The following MCC variants were observed in gnomAD, a reference collection of about 807,000 sequenced individuals.
MCC encodes colorectal mutant cancer protein.
MCC carries 90 observed loss-of-function variants against 116.2 expected under a neutral mutation model. That is an observed-to-expected ratio of 0.77 (90% CI 0.65 to 0.92). The LOEUF (loss-of-function observed/expected upper bound fraction) is 0.92, where lower values mean the gene tolerates loss of function less well. MCC is among the 40% of genes least tolerant of loss of function. The probability of loss-of-function intolerance (pLI) is 0.00; values close to 1 mark genes in which losing one functional copy is unlikely to be tolerated. For synonymous variants in MCC, 578 were observed against 510.5 expected (o/e 1.13, Z -1.78); for missense variants, 1,516 against 1,312.2 (o/e 1.16, Z -2.40).
chr5:113,487,968 C>G (rs574900635), intron 1 of MCC, among the ~76,000 whole-genome samples: 3 of 152,294 alleles, frequency 2.0e-5, no homozygotes, highest in Admixed American at 2.0e-4. Flanking sequence ...CTCCAAGCCC[C>G]CGGAAGAGTG....
intron 15 of MCC, 53 bp from the exon 16 acceptor site, chr5:113,049,352 C>T: frequency 1.4e-6 from 2 of 1,454,060 alleles, no homozygotes; most frequent in Non-Finnish European, 9.2e-7. Flanking sequence ...TGAGAGCAGG[C>T]CTGGCTGCTG....
intron 2 of MCC, among the ~76,000 whole-genome samples, chr5:113,374,755 C>T (rs1561542834): frequency 6.6e-6 from 1 of 151,780 alleles, no homozygotes; most frequent in Non-Finnish European, 1.5e-5. Context: ...CTTTGGGAGG[C>T]TGAGGCAGGT....
chr5:113,471,235 G>A (rs1772081351), intron 1 of MCC, among the ~76,000 whole-genome samples: 1 of 152,188 alleles, frequency 6.6e-6, no homozygotes. Flanking sequence ...TGTTCCTTTG[G>A]AGGAGGAGAG....
chr5:113,116,186 T>C (rs954855727), intron 6 of MCC, among the ~76,000 whole-genome samples: 2 of 152,210 alleles, frequency 1.3e-5, no homozygotes, highest in Admixed American at 6.5e-5. Context: ...TCCCAGGCCC[T>C]GTGACCCTCA....
chr5:113,374,539 C>T (rs540663772), intron 2 of MCC, among the ~76,000 whole-genome samples: 18 of 152,304 alleles, frequency 1.2e-4, no homozygotes, highest in South Asian at 2.1e-4. Flanking sequence ...GACCGACTTA[C>T]GCCCGAGCCA....
At chr5:113,362,484 G>A (rs2150385777) in intron 2 of MCC, among the ~76,000 whole-genome samples, 1 of 152,306 alleles carries the variant, frequency 6.6e-6, no homozygotes, top group East Asian at 1.9e-4. Flanking sequence ...AATTAATTGA[G>A]TTGTTCAACT....
intron 1 of MCC, among the ~76,000 whole-genome samples, chr5:113,438,405 C>T (rs1770928593): frequency 6.6e-6 from 1 of 152,056 alleles, no homozygotes; most frequent in African/African-American, 2.4e-5. Context: ...CAGTGTGACT[C>T]TCGGAAAGTA....
intron 6 of MCC, among the ~76,000 whole-genome samples, chr5:113,122,456 C>T (rs1581107093): frequency 6.6e-6 from 1 of 152,310 alleles, no homozygotes; most frequent in East Asian, 1.9e-4. Flanking sequence ...CCAGAATTTT[C>T]AAATAGAAGT....
At position 113,049,165 on chromosome 5, in the gene MCC, C is replaced by T; in HGVS notation, c.2583G>A (p.Val861=). Reference sequence around the variant, plus strand: ...GCATCCGCTGCTCCTTCTGCTCCTCCACCTCGGACTTCAGGTGCTCAATGT... The same window carrying T: ...GCATCCGCTGCTCCTTCTGCTCCTCTACCTCGGACTTCAGGTGCTCAATGT... ...LVHIEHLKSE[V]EEQKEQRMRS... Residue 861 remains valine (V), a synonymous_variant, in exon 16 of 19, where the codon GTG becomes GTA. Transcript: ENST00000408903. 6.2e-7 allele frequency: 1 copy of T among 1,614,216 alleles called. No homozygotes were observed.
At chr5:113,418,294 AAAG>A (rs1264212083) in intron 1 of MCC, among the ~76,000 whole-genome samples, 2 of 151,952 alleles carry the variant, frequency 1.3e-5, no homozygotes, top group South Asian at 2.1e-4. Context: ...TAAAAATAAA[AAAG>A]AAAGAAAAGA....
chr5:113,103,593 T>C (rs1247896911), intron 7 of MCC, among the ~76,000 whole-genome samples: 3 of 152,232 alleles, frequency 2.0e-5, no homozygotes, highest in Non-Finnish European at 4.4e-5. Context: ...GATTCCTACT[T>C]ATAGAAACTT....
At chr5:113,081,555 T>C (rs906313297) in intron 11 of MCC, among the ~76,000 whole-genome samples, 4 of 152,282 alleles carry the variant, frequency 2.6e-5, no homozygotes, top group African/African-American at 4.8e-5. Context: ...GCCCAGAATC[T>C]GTAGAGAGGA....
At chr5:113,034,591 A>G (rs1342723179) in intron 17 of MCC, among the ~76,000 whole-genome samples, 1 of 152,256 alleles carries the variant, frequency 6.6e-6, no homozygotes, top group Non-Finnish European at 1.5e-5. Flanking sequence ...ACAGGGAGTC[A>G]CAGCCATGCA....
intron 1 of MCC, among the ~76,000 whole-genome samples, chr5:113,421,773 C>G (rs1419914907): frequency 6.6e-6 from 1 of 152,138 alleles, no homozygotes; most frequent in African/African-American, 2.4e-5. Flanking sequence ...GACTCCTTCC[C>G]CATTGCCTTT....
chr5:113,286,939 A>T (rs1190483152), intron 3 of MCC, among the ~76,000 whole-genome samples: 1 of 152,210 alleles, frequency 6.6e-6, no homozygotes, highest in East Asian at 1.9e-4. Flanking sequence ...CTAGAAAGAC[A>T]GGGTATCTCT....
Position 113,084,440 on chromosome 5 carries a change from G to C in MCC, c.1546-250C>G, listed in dbSNP as rs189279889. The stretch of plus-strand genomic sequence containing the variant: ...CCTGTGCATTGTAGGACATTTGTCA[G>C]CATCTCTGGCCTCTAGCCACAAGAT... On this transcript the variant is annotated intron_variant, in intron 9 of 18. Coordinates refer to ENST00000408903, the MANE Select transcript of MCC (RefSeq NM_001085377.2). 5.0e-4 allele frequency among the ~76,000 whole-genome samples: 76 copies of C among 152,344 alleles called. No homozygotes were observed. The East Asian group carries it at 0.012, about 25-fold the overall frequency.
chr5:113,064,908 T>A (rs1040969201), intron 13 of MCC, among the ~76,000 whole-genome samples: 1 of 152,112 alleles, frequency 6.6e-6, no homozygotes, highest in South Asian at 2.1e-4. Flanking sequence ...GAAAAGATCA[T>A]GGGTGGCTGA....
chr5:113,087,918 T>C (rs1401110334), intron 8 of MCC, among the ~76,000 whole-genome samples: 4 of 152,290 alleles, frequency 2.6e-5, no homozygotes, highest in African/African-American at 7.2e-5. Context: ...CTGTGGAAAA[T>C]GTAGATGACA....
intron 6 of MCC, among the ~76,000 whole-genome samples, chr5:113,107,780 A>G (rs1402220183): frequency 2.0e-5 from 3 of 152,182 alleles, no homozygotes; most frequent in Non-Finnish European, 4.4e-5. Flanking sequence ...AATAATGACA[A>G]TGGACATGTC....
Sources: allele counts gnomAD v4.1 joint callset (sites outside exome capture counted in the v4.1 genomes callset), GRCh38; gene constraint gnomAD v4.1.1; transcripts MANE v1.5; gene names NCBI Gene and HGNC (gene_info 2026-07-23, HGNC 2026-07-21).